The following CNTN4 variants were observed in gnomAD, a reference collection of about 807,000 sequenced individuals.
CNTN4 encodes the protein contactin 4.
CNTN4 carries 77 observed loss-of-function variants against 122.5 expected under a neutral mutation model. The observed-to-expected ratio is 0.63, with a 90% CI of 0.52 to 0.76. The LOEUF (loss-of-function observed/expected upper bound fraction) is 0.76. CNTN4 is among the 30% of genes least tolerant of loss of function. CNTN4 has a pLI of 0.00. For missense variants in CNTN4, 1,256 were observed against 1,259.1 expected (o/e 1.00, Z 0.04); for synonymous variants, 512 against 447.0 (o/e 1.15, Z -1.83).
rs1701798731 is a variant in CNTN4 at position 3,056,341 on chromosome 3, GT to G, written c.*127del. The stretch of plus-strand genomic sequence containing the variant: ...TACATCTTATTACTGGAATAAAAAT[GT>G]TTTTTGCTTCTTTAGGAATGGCATT... On this transcript the variant is annotated 3_prime_UTR_variant, in exon 25 of 25. Transcript: ENST00000418658. The G allele has an allele frequency of 1.2e-6, 1 of 800,450 alleles. No homozygotes were observed. The highest frequency in any genetic ancestry group is 2.1e-6 in the Non-Finnish European group (1 of 471,776). 49.6% of individuals were successfully genotyped at this position (800,450 alleles called of 1,614,324 possible).
intron 2 of CNTN4, among the ~76,000 whole-genome samples, chr3:2,324,287 G>GACA (rs35054166): frequency 0.83 from 125,831 of 151,696 alleles, 52,676 homozygotes; most frequent in East Asian, 1. Context: ...GAAATAACTG[G>GACA]ATGTGTCTGC....
intron 4 of CNTN4, among the ~76,000 whole-genome samples, chr3:2,678,856 A>T (rs1474556103): frequency 1.3e-5 from 2 of 152,198 alleles, no homozygotes; most frequent in Non-Finnish European, 2.9e-5. Context: ...TGCCCTAGAA[A>T]GTCAACAGAT....
At chr3:2,292,550 A>C (rs1348986766) in intron 2 of CNTN4, among the ~76,000 whole-genome samples, 2 of 152,160 alleles carry the variant, frequency 1.3e-5, no homozygotes, top group Non-Finnish European at 2.9e-5. Context: ...AATTTTCCAA[A>C]GTTCTTTTAT....
chr3:2,308,694 T>C (rs902298098), intron 2 of CNTN4, among the ~76,000 whole-genome samples: 9 of 152,106 alleles, frequency 5.9e-5, no homozygotes, highest in Non-Finnish European at 1.0e-4. Context: ...TTTACAAATT[T>C]CCCAAATTTG....
intron 2 of CNTN4, among the ~76,000 whole-genome samples, chr3:2,136,189 C>G (rs1396204420): frequency 6.6e-6 from 1 of 152,170 alleles, no homozygotes; most frequent in Non-Finnish European, 1.5e-5. Flanking sequence ...TCTTGTCATA[C>G]TATAGAAAGG....
intron 10 of CNTN4, among the ~76,000 whole-genome samples, chr3:2,887,553 C>T (rs1462018507): frequency 1.3e-5 from 2 of 152,010 alleles, no homozygotes; most frequent in African/African-American, 2.4e-5. Context: ...ATTATTCCTA[C>T]TCCTGATTTA....
chr3:2,828,093 TTC>T (rs759894601), intron 7 of CNTN4, among the ~76,000 whole-genome samples: 38 of 150,514 alleles, frequency 2.5e-4, no homozygotes, highest in Non-Finnish European at 3.0e-4. Context: ...AGTCATCTCA[TTC>T]TCTCTCTCTC....
intron 4 of CNTN4, among the ~76,000 whole-genome samples, chr3:2,695,777 G>A (rs1036345497): frequency 1.3e-5 from 2 of 152,188 alleles, no homozygotes; most frequent in Non-Finnish European, 2.9e-5. Flanking sequence ...GGGTAATCTA[G>A]TCCAATCTGG....
In CNTN4 at chr3:3,040,119, T is replaced by C; in HGVS notation, c.2246T>C (p.Leu749Pro). The change falls in exon 20 of 25, where the codon CTG becomes CCG. Residue 749 changes from leucine to proline, a missense_variant. Physicochemically the swap from Leu to Pro is moderately conservative, Grantham distance 98. Transcript: ENST00000418658. ...CCCTACGGTAAAATGATCTGGATGC[T>C]GACAGTGCTGGCCTCAGCTGATGCC... ...FRPYGKMIWM[L>P]TVLASADASR... 1.2e-6 allele frequency: 2 copies of C among 1,614,202 alleles called. No homozygotes were observed. The highest frequency in any genetic ancestry group is 1.7e-6 in the Non-Finnish European group (2 of 1,179,998).
At chr3:2,873,439 A>T (rs2093808561) in intron 8 of CNTN4, among the ~76,000 whole-genome samples, 1 of 152,222 alleles carries the variant, frequency 6.6e-6, no homozygotes, top group Non-Finnish European at 1.5e-5. Flanking sequence ...CCATTTTGTG[A>T]GCCTTCACCT....
At chr3:2,830,091 C>T (rs567661643) in intron 7 of CNTN4, among the ~76,000 whole-genome samples, 1 of 152,150 alleles carries the variant, frequency 6.6e-6, no homozygotes, top group East Asian at 1.9e-4. Context: ...TTTCTGTCTC[C>T]TTTTTTCCTC....
At chr3:2,116,550 A>G (rs1288026231) in intron 2 of CNTN4, among the ~76,000 whole-genome samples, 1 of 152,216 alleles carries the variant, frequency 6.6e-6, no homozygotes, top group Non-Finnish European at 1.5e-5. Flanking sequence ...TCTGATGTTC[A>G]GCCAGGTTTG....
chr3:2,389,510 AT>A (rs2046370763), intron 3 of CNTN4, among the ~76,000 whole-genome samples: 1 of 152,126 alleles, frequency 6.6e-6, no homozygotes, highest in African/African-American at 2.4e-5. Context: ...TATTTTTCTA[AT>A]AGCTCTTACC....
rs1359675687 is a variant in CNTN4 at position 3,040,245 on chromosome 3, C to T, written c.2372C>T (p.Thr791Ile). ...NNKGEGPFSP[T>I]TVVYSAEEEP... is the part of the protein sequence containing the mutation. The stretch of plus-strand genomic sequence containing the variant: ...AAAGGAGAAGGCCCTTTCAGTCCCA[C>T]CACGGTGGTGTATTCTGCAGAAGAA... Residue 791 changes from threonine to isoleucine, a missense_variant, in exon 20 of 25, where the codon ACC becomes ATC. By Grantham distance (89) the Thr-to-Ile change is moderately conservative (BLOSUM62 -1). Coordinates refer to ENST00000418658, the MANE Select transcript of CNTN4 (RefSeq NM_175607.3). 6.2e-7 allele frequency: 1 copy of T among 1,613,882 alleles called. No individual in the cohort carries two copies. The highest frequency in any genetic ancestry group is 1.1e-5 in the South Asian group (1 of 91,072).
intron 3 of CNTN4, among the ~76,000 whole-genome samples, chr3:2,505,813 G>A (rs745643212): frequency 7.9e-5 from 12 of 152,206 alleles, no homozygotes; most frequent in Non-Finnish European, 1.6e-4. Context: ...TCTACTTAAA[G>A]AGAAACTTGA....
At position 2,626,308 on chromosome 3, in the gene CNTN4, A is replaced by G. The variant is rs556987540; in HGVS notation, c.55+54750A>G. On this transcript the variant is annotated intron_variant, in intron 4 of 24. Coordinates refer to ENST00000418658, the MANE Select transcript of CNTN4 (RefSeq NM_175607.3). ...GGAGATCGAGACCATCCTGGCTAAC[A>G]CGGTGAAACCCCATCTCTACTAAAA... Among the ~76,000 whole-genome samples the G allele has an allele frequency of 3.3e-5, 5 of 152,142 alleles. No homozygotes were observed. The East Asian group carries it at 5.8e-4, about 18-fold the overall frequency.
At chr3:2,216,559 C>T (rs949645709) in intron 2 of CNTN4, among the ~76,000 whole-genome samples, 1 of 151,974 alleles carries the variant, frequency 6.6e-6, no homozygotes, top group Non-Finnish European at 1.5e-5. Flanking sequence ...AAAAAGAATG[C>T]AAAACAAACA....
chr3:3,022,249 TAAAATA>T (rs1698368114), intron 14 of CNTN4, among the ~76,000 whole-genome samples: 1 of 151,818 alleles, frequency 6.6e-6, no homozygotes, highest in African/African-American at 2.4e-5. Context: ...ATCTCAAAAA[TAAAATA>T]AAAATAAAAT....
At chr3:2,257,566 A>G (rs978339474) in intron 2 of CNTN4, among the ~76,000 whole-genome samples, 4 of 152,238 alleles carry the variant, frequency 2.6e-5, no homozygotes, top group African/African-American at 9.6e-5. Context: ...CCCAGAATCT[A>G]CAAAGAACTT....
Sources: allele counts gnomAD v4.1 joint callset (sites outside exome capture counted in the v4.1 genomes callset), GRCh38; gene constraint gnomAD v4.1.1; transcripts MANE v1.5; gene names NCBI Gene and HGNC (gene_info 2026-07-23, HGNC 2026-07-21).